FBXO40: variants seen among roughly 807,000 people sequenced by gnomAD.
FBXO40 encodes the protein F-box protein 40.
In FBXO40, 50 loss-of-function variants were observed where a neutral mutation model predicts 49.9. That is an observed-to-expected ratio of 1.00 (90% confidence interval 0.80 to 1.27). The LOEUF is 1.27. Among genes scored for constraint, FBXO40 ranks in the 50% most tolerant of loss-of-function variants. FBXO40 has a pLI of 0.00. For missense variants in FBXO40, 895 were observed against 870.1 expected (o/e 1.03, Z -0.36); for synonymous variants, 340 against 320.2 (o/e 1.06, Z -0.66).
chr3:121,606,768 G>C (rs1255562957), intron 1 of FBXO40, among the ~76,000 whole-genome samples: 1 of 152,090 alleles, frequency 6.6e-6, no homozygotes, highest in Admixed American at 6.6e-5. Flanking sequence ...GATGTTTCCT[G>C]GCAAATTTAG....
At chr3:121,600,219 T>C (rs944380007) in intron 1 of FBXO40, among the ~76,000 whole-genome samples, 1 of 130,336 alleles carries the variant, frequency 7.7e-6, no homozygotes, top group African/African-American at 2.9e-5. Context: ...TTTTTTTTTT[T>C]AGTAGAGACG....
Position 121,622,314 on chromosome 3 carries a change from G to A in FBXO40, c.885G>A (p.Leu295=), listed in dbSNP as rs776881547. The A allele has an allele frequency of 6.2e-7, 1 of 1,614,214 alleles. No homozygotes were observed. Among genetic ancestry groups the A allele is most frequent in the Admixed American group, 1.7e-5 (1 of 60,026 alleles). The change falls in exon 3 of 4, where the codon CTG becomes CTA. Residue 295 remains leucine, a synonymous_variant. Transcript: ENST00000338040. ...TTGCCCCTTGGCAGGATGGTGTTCT[G>A]GAAAGACTGAAAACAGCTGTGGATG... The part of the protein sequence containing the change: ...TGLAPWQDGV[L]ERLKTAVDAK...
chr3:121,612,461 C>A (rs910706332), intron 1 of FBXO40, among the ~76,000 whole-genome samples: 1 of 152,210 alleles, frequency 6.6e-6, no homozygotes, highest in Middle Eastern at 3.4e-3. Context: ...TTTGTTCCTC[C>A]GGAGCACTTG....
chr3:121,605,307 C>T (rs2048926414), intron 1 of FBXO40, among the ~76,000 whole-genome samples: 1 of 152,198 alleles, frequency 6.6e-6, no homozygotes, highest in Admixed American at 6.5e-5. Flanking sequence ...AATGTCCTAG[C>T]CACCCAGAAG....
In FBXO40 at chr3:121,622,571, C is replaced by T; in HGVS notation, c.1142C>T (p.Ser381Leu). Reference protein sequence around the residue: ...KPSEHKAVDTSDLGITVEDLP... With the variant: ...KPSEHKAVDTLDLGITVEDLP... The stretch of plus-strand genomic sequence containing the variant: ...AGTGAACACAAGGCAGTGGATACTT[C>T]AGATTTGGGGATCACTGTGGAGGAC... Residue 381 changes from serine (S) to leucine (L), a missense_variant, in exon 3 of 4, where the codon TCA becomes TTA. Physicochemically the swap from Ser to Leu is moderately radical, Grantham distance 145 (BLOSUM62 -2). Transcript: ENST00000338040. The T allele has an allele frequency of 6.2e-7, 1 of 1,614,196 alleles. No homozygotes were observed. The highest frequency in any genetic ancestry group is 1.1e-5 in the South Asian group (1 of 91,072).
chr3:121,614,648 T>G (rs1374105862), intron 1 of FBXO40, among the ~76,000 whole-genome samples: 1 of 152,114 alleles, frequency 6.6e-6, no homozygotes, highest in African/African-American at 2.4e-5. Context: ...AAATAAACCC[T>G]GGGGCTTCTA....
At position 121,622,529 on chromosome 3, in the gene FBXO40, T is replaced by A. The variant is rs754480800; in HGVS notation, c.1100T>A (p.Met367Lys). 1 of 1,614,090 alleles carries A rather than the reference T, an allele frequency of 6.2e-7. No homozygotes were observed. The highest frequency in any genetic ancestry group is 2.2e-5 in the East Asian group (1 of 44,898). Reference protein sequence around the residue: ...CGKRARLGDAMLSCKPSEHKA... With the variant: ...CGKRARLGDAKLSCKPSEHKA... ...AAGCGAGCTCGACTTGGAGATGCCA[T>A]GTTGAGTTGTAAGCCAAGTGAACAC... The change falls in exon 3 of 4, where the codon ATG becomes AAG. Residue 367 changes from methionine (M) to lysine (K), a missense_variant. Physicochemically the swap from Met to Lys is moderately conservative, Grantham distance 95. Transcript: ENST00000338040.
Position 121,601,653 on chromosome 3 carries a change from T to C in FBXO40, c.-31+8151T>C, listed in dbSNP as rs546890301. On this transcript the variant is annotated intron_variant, in intron 1 of 3. Transcript: ENST00000338040. ...TCTCACTGCACGCATAGAAGCACAC[T>C]GAACTAGCCAGCCCTTCTTTTCCTT... Among the ~76,000 whole-genome samples the C allele has an allele frequency of 3.2e-3, 492 of 152,334 alleles. 2 individuals are homozygous for C. Among genetic ancestry groups the C allele is most frequent in the Non-Finnish European group, 5.0e-3 (342 of 68,032 alleles).
chr3:121,599,676 A>G lies in FBXO40; in HGVS notation c.-31+6174A>G, dbSNP rs1217444999. ...TGCATACACACACACACACACATGCACACACACACACACACACACACACAC... is the reference window on the plus strand; with the variant it reads ...TGCATACACACACACACACACATGCGCACACACACACACACACACACACAC... On this transcript the variant is annotated intron_variant, in intron 1 of 3. Transcript: ENST00000338040. Among the ~76,000 whole-genome samples, 6 of 22,276 alleles carry G rather than the reference A, an allele frequency of 2.7e-4. No homozygotes were observed. The South Asian group carries it at 4.2e-3, about 16-fold the overall frequency. The allele number at this position is 22,276 out of a possible 152,430, so 14.6% of individuals were successfully genotyped here.
At chr3:121,597,656 C>A (rs2048879001) in intron 1 of FBXO40, among the ~76,000 whole-genome samples, 1 of 104,358 alleles carries the variant, frequency 9.6e-6, no homozygotes, top group African/African-American at 3.5e-5. Context: ...TATTATAGGC[C>A]CCCTTTTTTT....
intron 1 of FBXO40, among the ~76,000 whole-genome samples, chr3:121,599,693 C>T: frequency 1.2e-5 from 1 of 82,494 alleles, no homozygotes; most frequent in Admixed American, 1.6e-4. Flanking sequence ...CACACACACA[C>T]ACACACACAC....
chr3:121,611,439 A>T (rs953913711), intron 1 of FBXO40, among the ~76,000 whole-genome samples: 1 of 152,222 alleles, frequency 6.6e-6, no homozygotes, highest in South Asian at 2.1e-4. Context: ...CGTAGGCCAG[A>T]TTTATGTTTC....
chr3:121,595,099 C>T (rs570715455), intron 1 of FBXO40, among the ~76,000 whole-genome samples: 39 of 152,256 alleles, frequency 2.6e-4, no homozygotes, highest in Admixed American at 3.9e-4. Context: ...CTAAAGCCAC[C>T]GATGCCAAGT....
chr3:121,626,775 G>A lies in FBXO40; in HGVS notation c.1995G>A (p.Lys665=). 1 of 1,614,160 alleles carries A rather than the reference G, an allele frequency of 6.2e-7. No homozygotes were observed. ...TCACCTCCATGTCTGAGCACCTGAA[G>A]TCCTGTCCTTTCAACATTGTAGAGC... The part of the protein sequence containing the change: ...NEVTSMSEHL[K]SCPFNIVEHK... The change falls in exon 4 of 4, where the codon AAG becomes AAA. Residue 665 remains lysine (K), a synonymous_variant. Transcript: ENST00000338040.
At chr3:121,593,879 C>CT (rs1031277401) in intron 1 of FBXO40, among the ~76,000 whole-genome samples, 4 of 152,020 alleles carry the variant, frequency 2.6e-5, no homozygotes, top group African/African-American at 9.7e-5. Flanking sequence ...CCTTTTCTTT[C>CT]TTTTTTGAGA....
chr3:121,626,598 T>C, intron 3 of FBXO40, 97 bp from the exon 4 acceptor site: 3 of 1,078,226 alleles, frequency 2.8e-6, no homozygotes, highest in Non-Finnish European at 2.8e-6. Flanking sequence ...TCTAAGAATA[T>C]GAAGAACAGG....
In FBXO40 at chr3:121,622,168, G is replaced by A. The variant is rs777550766; in HGVS notation, c.739G>A (p.Glu247Lys). ...SCESKNKNDS[E>K]KEQISSGHNM... ...TGAGAGCAAGAACAAGAATGACTCC[G>A]AGAAAGAACAGATTTCCAGTGGCCA... is the stretch of plus-strand genomic sequence containing the variant. The change falls in exon 3 of 4, where the codon GAG (glutamate) becomes AAG (lysine). Residue 247 changes from glutamate to lysine, a missense_variant. Coordinates refer to ENST00000338040, the MANE Select transcript of FBXO40 (RefSeq NM_016298.4). 17 of 1,613,938 alleles carry A rather than the reference G, an allele frequency of 1.1e-5. No individual in the cohort carries two copies. The highest frequency in any genetic ancestry group is 8.0e-5 in the African/African-American group (6 of 74,932).
intron 1 of FBXO40, among the ~76,000 whole-genome samples, chr3:121,603,524 T>A (rs1026808750): frequency 1.1e-4 from 17 of 152,164 alleles, no homozygotes; most frequent in African/African-American, 3.6e-4. Flanking sequence ...TGTCAGGACA[T>A]CTGGACATTC....
At chr3:121,605,607 C>T (rs1231852705) in intron 1 of FBXO40, among the ~76,000 whole-genome samples, 1 of 152,160 alleles carries the variant, frequency 6.6e-6, no homozygotes, top group Non-Finnish European at 1.5e-5. Flanking sequence ...AATCATTCTT[C>T]AAAACTGGAG....
Sources: gnomAD v4.1 joint callset for allele counts (sites outside exome capture counted in the v4.1 genomes callset) on GRCh38, gnomAD v4.1.1 for gene constraint, MANE v1.5 for transcripts, NCBI Gene and HGNC (gene_info 2026-07-23, HGNC 2026-07-21) for gene names.